Variants in PTPRE observed in about 807,000 individuals in gnomAD.
PTPRE encodes receptor-type tyrosine-protein phosphatase epsilon.
In PTPRE, 51 loss-of-function variants were observed where a neutral mutation model predicts 102.0. The ratio of observed to expected loss-of-function variants is 0.50; its 90% CI spans 0.40 to 0.63. The LOEUF (loss-of-function observed/expected upper bound fraction) is 0.63, where lower values mean the gene tolerates loss of function less well. Ranked by LOEUF, PTPRE falls within the 30% of genes least tolerant of loss-of-function variation. The pLI, the probability that PTPRE is intolerant of heterozygous loss-of-function variation, is 0.00. For missense variants in PTPRE, 752 were observed against 915.1 expected (o/e 0.82, Z 2.30); for synonymous variants, 345 against 348.2 (o/e 0.99, Z 0.10).
intron 1 of PTPRE, among the ~76,000 whole-genome samples, chr10:127,951,820 C>T (rs1003242613): frequency 2.6e-5 from 4 of 152,154 alleles, no homozygotes; most frequent in Admixed American, 6.5e-5. Context: ...ATGGTGATTC[C>T]CACCTTCAAC....
chr10:128,079,640 T>G lies in PTPRE; in HGVS notation c.1973T>G (p.Val658Gly). The change falls in exon 20 of 21, where the codon GTA becomes GGA. Residue 658 changes from valine (V) to glycine (G), a missense_variant. Val to Gly is a moderately radical substitution (Grantham distance 109). Transcript: ENST00000254667. ...ERVKAEGLLD[V>G]FQAVKSLRLQ... ...GTAAAAGCCGAGGGACTTTTAGATG[T>G]ATTTCAAGCTGTGAAGAGTTTACGA... 1 of 1,614,060 alleles carries G rather than the reference T, an allele frequency of 6.2e-7. No individual in the cohort carries two copies.
chr10:127,983,431 AGAG>A (rs1344081830), intron 2 of PTPRE, among the ~76,000 whole-genome samples: 5 of 152,192 alleles, frequency 3.3e-5, no homozygotes, highest in African/African-American at 1.2e-4. Flanking sequence ...GTGGGATCAA[AGAG>A]AAGGATCGTT....
intron 2 of PTPRE, among the ~76,000 whole-genome samples, chr10:127,986,108 T>C (rs1274095177): frequency 2.6e-5 from 4 of 152,090 alleles, no homozygotes; most frequent in African/African-American, 9.7e-5. Context: ...AAAAAAAAAT[T>C]GACATCCAAA....
Position 128,014,189 on chromosome 10 carries a change from A to G in PTPRE, c.-7-26686A>G, listed in dbSNP as rs146089768. 2.6e-3 allele frequency among the ~76,000 whole-genome samples: 398 copies of G among 152,276 alleles called. 2 individuals carry two copies. Among genetic ancestry groups the G allele is most frequent in the African/African-American group, 9.2e-3 (383 of 41,564 alleles). On this transcript the variant is annotated intron_variant, in intron 2 of 20. Transcript: ENST00000254667. ...GCTTTGGCAGGGACCCCAGCTCCAC[A>G]GGTCCCCTCCAGGCACTGGCAGAGG...
intron 2 of PTPRE, among the ~76,000 whole-genome samples, chr10:128,010,546 C>CTTTTCTT (rs1554919722): frequency 1.3e-4 from 2 of 15,954 alleles, no homozygotes; most frequent in African/African-American, 2.2e-4. Context: ...AACCCTGTTC[C>CTTTTCTT]TTTTCTTTTC....
intron 6 of PTPRE, among the ~76,000 whole-genome samples, chr10:128,051,042 A>G (rs916298565): frequency 6.6e-6 from 1 of 152,236 alleles, no homozygotes; most frequent in Non-Finnish European, 1.5e-5. Context: ...GACAGCTTGA[A>G]GCACTATTGT....
At chr10:127,936,436 A>T (rs1445088308) in intron 1 of PTPRE, among the ~76,000 whole-genome samples, 1 of 152,200 alleles carries the variant, frequency 6.6e-6, no homozygotes, top group Non-Finnish European at 1.5e-5. Flanking sequence ...ATTAATTAAT[A>T]GTGTGTATTT....
At chr10:127,985,278 G>T (rs1425324867) in intron 2 of PTPRE, among the ~76,000 whole-genome samples, 1 of 152,208 alleles carries the variant, frequency 6.6e-6, no homozygotes, top group Admixed American at 6.5e-5. Context: ...CCCAAAGTAA[G>T]CATTTAATAA....
intron 2 of PTPRE, among the ~76,000 whole-genome samples, chr10:128,034,336 C>T (rs1008622737): frequency 4.0e-5 from 6 of 151,770 alleles, no homozygotes; most frequent in Admixed American, 6.6e-5. Flanking sequence ...CCCCCCCCAC[C>T]GACACACACA....
chr10:128,071,504 A>T (rs1320417828), intron 15 of PTPRE: 1 of 156,660 alleles, frequency 6.4e-6, no homozygotes, highest in African/African-American at 2.4e-5. Flanking sequence ...TGCAGTGGGC[A>T]GGGGAGTGGG....
At chr10:127,997,287 C>T (rs912766022) in intron 2 of PTPRE, among the ~76,000 whole-genome samples, 3 of 152,174 alleles carry the variant, frequency 2.0e-5, no homozygotes, top group African/African-American at 7.2e-5. Context: ...CCCAGGTAAA[C>T]TCTGAGTTTG....
At chr10:127,930,610 T>A (rs1205382301) in intron 1 of PTPRE, among the ~76,000 whole-genome samples, 1 of 152,184 alleles carries the variant, frequency 6.6e-6, no homozygotes, top group Non-Finnish European at 1.5e-5. Context: ...AACCTAGGTT[T>A]TCATTTCACA....
chr10:127,943,213 A>G (rs1052878647), intron 1 of PTPRE, among the ~76,000 whole-genome samples: 2 of 152,150 alleles, frequency 1.3e-5, no homozygotes, highest in African/African-American at 4.8e-5. Flanking sequence ...ACTTTTCATA[A>G]ATTTGTTTTT....
chr10:127,926,005 G>T (rs1337271515), intron 1 of PTPRE, among the ~76,000 whole-genome samples: 1 of 152,190 alleles, frequency 6.6e-6, no homozygotes, highest in Non-Finnish European at 1.5e-5. Flanking sequence ...TATATACACT[G>T]GGTAAGCTTA....
At chr10:127,996,849 T>C (rs1023681343) in intron 2 of PTPRE, among the ~76,000 whole-genome samples, 1 of 152,220 alleles carries the variant, frequency 6.6e-6, no homozygotes, top group African/African-American at 2.4e-5. Context: ...CTGTTCATTG[T>C]GGCAGCCTGA....
chr10:127,940,224 A>G (rs1041786065), intron 1 of PTPRE, among the ~76,000 whole-genome samples: 4 of 151,990 alleles, frequency 2.6e-5, no homozygotes, highest in Admixed American at 2.6e-4. Flanking sequence ...CCATCCCAGG[A>G]CCTCTCTCTA....
At chr10:128,016,060 A>G (rs1360912180) in intron 2 of PTPRE, among the ~76,000 whole-genome samples, 8 of 152,062 alleles carry the variant, frequency 5.3e-5, no homozygotes, top group Admixed American at 4.6e-4. Flanking sequence ...CTGGGGTTGC[A>G]GGAGGGGACT....
intron 19 of PTPRE, among the ~76,000 whole-genome samples, chr10:128,079,053 C>A (rs1315919481): frequency 6.6e-6 from 1 of 152,208 alleles, no homozygotes; most frequent in Non-Finnish European, 1.5e-5. Context: ...TGGGAAGTGT[C>A]AGTTGACTGT....
At chr10:128,001,741 G>A (rs1033553899) in intron 2 of PTPRE, among the ~76,000 whole-genome samples, 2 of 152,180 alleles carry the variant, frequency 1.3e-5, no homozygotes, top group African/African-American at 2.4e-5. Context: ...GGGAGATAAC[G>A]TATGGGAAGG....
Sources: gnomAD v4.1 joint callset for allele counts (sites outside exome capture counted in the v4.1 genomes callset) on GRCh38, gnomAD v4.1.1 for gene constraint, MANE v1.5 for transcripts, NCBI Gene and HGNC (gene_info 2026-07-23, HGNC 2026-07-21) for gene names.